Variants in CPPED1 observed in about 807,000 individuals in gnomAD.
The protein encoded by CPPED1 is calcineurin like phosphoesterase domain containing 1.
Under a neutral mutation model 28.0 loss-of-function variants are expected in CPPED1, and 28 were observed. That is an observed-to-expected ratio of 1.00 (90% CI 0.74 to 1.37). The LOEUF is 1.37. Ranked by LOEUF, CPPED1 falls within the 40% of genes most tolerant of loss-of-function variation. The pLI is 0.00. For missense variants in CPPED1, 504 were observed against 416.5 expected, an observed-to-expected ratio of 1.21 and a Z score of -1.83; for synonymous variants, 198 against 180.2, an observed-to-expected ratio of 1.10 and a Z score of -0.79.
chr16:12,675,945 G>A (rs576638275), intron 3 of CPPED1, among the ~76,000 whole-genome samples: 1 of 152,228 alleles, frequency 6.6e-6, no homozygotes, highest in Non-Finnish European at 1.5e-5. Context: ...TTTGAGATAA[G>A]AGATTCTGGC....
At chr16:12,769,124 C>T (rs1321830523) in intron 2 of CPPED1, among the ~76,000 whole-genome samples, 3 of 152,136 alleles carry the variant, frequency 2.0e-5, no homozygotes, top group Non-Finnish European at 2.9e-5. Flanking sequence ...CTCAGCCTCC[C>T]TAAGTGCTCT....
intron 2 of CPPED1, among the ~76,000 whole-genome samples, chr16:12,766,256 T>TATATATATATATATATATATATATAG: frequency 3.7e-5 from 5 of 134,284 alleles, no homozygotes; most frequent in African/African-American, 1.7e-4. Flanking sequence ...TATATATATA[T>TATATATATATATATATATATATATAG]AGAGAGAGAG....
At chr16:12,673,677 G>T (rs1028694324) in intron 3 of CPPED1, among the ~76,000 whole-genome samples, 1 of 152,096 alleles carries the variant, frequency 6.6e-6, no homozygotes, top group Non-Finnish European at 1.5e-5. Context: ...ACCAATTATT[G>T]TTAACGTCCG....
At chr16:12,797,159 T>TA (rs1162984550) in intron 1 of CPPED1, among the ~76,000 whole-genome samples, 1 of 152,136 alleles carries the variant, frequency 6.6e-6, no homozygotes, top group Admixed American at 6.5e-5. Context: ...GTGCTAAAGT[T>TA]AGATTGTGAC....
intron 2 of CPPED1, among the ~76,000 whole-genome samples, chr16:12,724,810 G>A (rs571979268): frequency 4.0e-5 from 6 of 151,870 alleles, no homozygotes; most frequent in Non-Finnish European, 5.9e-5. Flanking sequence ...TTTTTGAGAC[G>A]GAGTGTCACT....
chr16:12,777,735 C>G (rs1437877657), intron 2 of CPPED1, among the ~76,000 whole-genome samples: 1 of 152,042 alleles, frequency 6.6e-6, no homozygotes, highest in Non-Finnish European at 1.5e-5. Context: ...ACAGAAAGAC[C>G]TGGTCTCTTG....
chr16:12,734,521 G>C (rs868661619), intron 2 of CPPED1, among the ~76,000 whole-genome samples: 1 of 152,042 alleles, frequency 6.6e-6, no homozygotes, highest in Non-Finnish European at 1.5e-5. Context: ...CTGGGACTAC[G>C]GGCGCCAGCC....
intron 2 of CPPED1, among the ~76,000 whole-genome samples, chr16:12,769,274 A>T (rs959215785): frequency 6.6e-6 from 1 of 152,206 alleles, no homozygotes; most frequent in Admixed American, 6.5e-5. Context: ...AATTTAAAAA[A>T]TATTTTGATA....
intron 2 of CPPED1, among the ~76,000 whole-genome samples, chr16:12,728,231 T>G (rs1304576469): frequency 6.6e-6 from 1 of 152,000 alleles, no homozygotes; most frequent in Admixed American, 6.6e-5. Flanking sequence ...GGGAATTCAG[T>G]GTAAGAGAGG....
At chr16:12,766,829 C>A (rs2080442517) in intron 2 of CPPED1, among the ~76,000 whole-genome samples, 1 of 152,178 alleles carries the variant, frequency 6.6e-6, no homozygotes, top group South Asian at 2.1e-4. Flanking sequence ...GGCTCTAGGA[C>A]TCTTCTGCTC....
At chr16:12,673,414 T>A (rs1488125163) in intron 3 of CPPED1, among the ~76,000 whole-genome samples, 1 of 152,264 alleles carries the variant, frequency 6.6e-6, no homozygotes, top group Non-Finnish European at 1.5e-5. Flanking sequence ...GCCTAACTCA[T>A]AGTTGCAAAC....
chr16:12,791,568 C>T (rs949695696), intron 1 of CPPED1, among the ~76,000 whole-genome samples: 2 of 152,208 alleles, frequency 1.3e-5, no homozygotes, highest in African/African-American at 4.8e-5. Context: ...ATCCCTGCAG[C>T]AGCCCCACCT....
chr16:12,767,999 T>C (rs1174026271), intron 2 of CPPED1, among the ~76,000 whole-genome samples: 2 of 152,104 alleles, frequency 1.3e-5, no homozygotes, highest in African/African-American at 2.4e-5. Context: ...GGACACTGTA[T>C]GACTTAGTGC....
chr16:12,751,004 A>G (rs2080324797), intron 2 of CPPED1, among the ~76,000 whole-genome samples: 1 of 152,062 alleles, frequency 6.6e-6, no homozygotes, highest in Non-Finnish European at 1.5e-5. Context: ...AACAACAACA[A>G]AAAAAACAGA....
chr16:12,803,683 C>G (rs778663186), intron 1 of CPPED1, 24 bp downstream of exon 1: 2 of 1,512,748 alleles, frequency 1.3e-6, no homozygotes, highest in Non-Finnish European at 1.8e-6. Flanking sequence ...AGAGTCCCCT[C>G]CCCGGGTGAG....
chr16:12,782,964 G>C (rs2080541329), intron 1 of CPPED1, among the ~76,000 whole-genome samples: 1 of 152,100 alleles, frequency 6.6e-6, no homozygotes, highest in Admixed American at 6.5e-5. Context: ...TTTCCAAAAA[G>C]CTCCTTGGAA....
At chr16:12,790,934 A>G (rs1440537312) in intron 1 of CPPED1, among the ~76,000 whole-genome samples, 1 of 151,676 alleles carries the variant, frequency 6.6e-6, no homozygotes, top group East Asian at 1.9e-4. Context: ...AAAAAAAAAA[A>G]AAAAAAGAGT....
At chr16:12,780,383 C>T (rs778507324) in intron 2 of CPPED1, among the ~76,000 whole-genome samples, 10 of 152,072 alleles carry the variant, frequency 6.6e-5, no homozygotes, top group Non-Finnish European at 1.0e-4. Flanking sequence ...ACCATGATGA[C>T]CAGGCTAGTC....
intron 2 of CPPED1, among the ~76,000 whole-genome samples, chr16:12,713,568 A>G (rs887369957): frequency 3.9e-5 from 6 of 151,982 alleles, no homozygotes; most frequent in African/African-American, 1.5e-4. Context: ...GTTTCATCAT[A>G]CTGGCCAGTC....
Sources: gnomAD v4.1 joint callset for allele counts (sites outside exome capture counted in the v4.1 genomes callset) on GRCh38, gnomAD v4.1.1 for gene constraint, MANE v1.5 for transcripts, NCBI Gene and HGNC (gene_info 2026-07-23, HGNC 2026-07-21) for gene names.